The following SDHAF2 variants were observed in gnomAD, a reference collection of about 807,000 sequenced individuals.
The protein encoded by SDHAF2 is succinate dehydrogenase complex assembly factor 2.
In SDHAF2, 21 loss-of-function variants were observed where a neutral mutation model predicts 18.5. That is an observed-to-expected ratio of 1.13 (90% CI 0.80 to 1.63). The LOEUF (loss-of-function observed/expected upper bound fraction) is 1.63. Among genes scored for constraint, SDHAF2 ranks in the 40% most tolerant of loss-of-function variants. The pLI, the probability that SDHAF2 is intolerant of heterozygous loss-of-function variation, is 0.00. For missense variants in SDHAF2, 195 were observed against 200.3 expected, an observed-to-expected ratio of 0.97 and a Z score of 0.16; for synonymous variants, 84 against 70.7, an observed-to-expected ratio of 1.19 and a Z score of -0.94.
Position 61,438,992 on chromosome 11 carries a change from T to C in SDHAF2, c.370+879T>C, listed in dbSNP as rs1590765660. Among the ~76,000 whole-genome samples the C allele has an allele frequency of 4.6e-5, 7 of 151,922 alleles. No individual in the cohort carries two copies. In the East Asian group the frequency reaches 1.4e-3, roughly 29 times the overall value. ...CTGGGAGACAGAGATTGCAGTGAGC[T>C]GAGATTGCACCACTGCACTCCATCC... is the stretch of plus-strand genomic sequence containing the variant. On this transcript the variant is annotated intron_variant, in intron 3 of 3. Transcript: ENST00000301761.
chr11:61,441,226 G>A (rs1006784424), intron 3 of SDHAF2, among the ~76,000 whole-genome samples: 3 of 152,088 alleles, frequency 2.0e-5, no homozygotes, highest in Non-Finnish European at 4.4e-5. Flanking sequence ...GCCAGCTTCT[G>A]TGCTAAGCAA....
At position 61,443,589 on chromosome 11, in the gene SDHAF2, A is replaced by G. The variant is rs1253182424; in HGVS notation, c.371-2352A>G. Among the ~76,000 whole-genome samples the G allele has an allele frequency of 2.0e-5, 3 of 152,122 alleles. No homozygotes were observed. The East Asian group carries it at 5.8e-4, about 29-fold the overall frequency. ...AGCTTGGGTTGTTTTTGCTTTGGTT[A>G]CCTTCATTGCATTACTAGTGTCTAG... On this transcript the variant is annotated intron_variant, in intron 3 of 3. Transcript: ENST00000301761.
At position 61,445,953 on chromosome 11, in the gene SDHAF2, C is replaced by T. The variant is rs1554985400; in HGVS notation, c.383C>T (p.Ala128Val). The T allele has an allele frequency of 6.2e-7, 1 of 1,614,118 alleles. No homozygotes were observed. The highest frequency in any genetic ancestry group is 1.3e-5 in the African/African-American group (1 of 75,022). ...IYYWATEAKPAPEIFENEVMA... is the reference protein window; with the variant it reads ...IYYWATEAKPVPEIFENEVMA... ...TCTTCTCTTGCAGAAGCTAAACCAG[C>T]CCCAGAAATATTTGAAAATGAAGTC... Residue 128 changes from alanine to valine, a missense_variant, in exon 4 of 4, where the codon GCC (alanine) becomes GTC (valine). Ala to Val is a moderately conservative substitution (Grantham distance 64). Transcript: ENST00000301761.
chr11:61,432,710 T>G (rs926185116), intron 1 of SDHAF2: 8 of 151,822 alleles, frequency 5.3e-5, no homozygotes, highest in Non-Finnish European at 1.2e-4. Flanking sequence ...TTTTTTGTAG[T>G]GACATACTTT....
intron 3 of SDHAF2, among the ~76,000 whole-genome samples, chr11:61,439,256 C>A (rs1451824600): frequency 6.6e-6 from 1 of 152,156 alleles, no homozygotes; most frequent in Non-Finnish European, 1.5e-5. Flanking sequence ...CCAGGTCCCC[C>A]CTACTTGCTG....
chr11:61,446,241 CA>C lies in SDHAF2; in HGVS notation c.*172del, dbSNP rs537244040. 2.8e-5 allele frequency: 20 copies of C among 720,444 alleles called. No homozygotes were observed. The highest frequency in any genetic ancestry group is 4.7e-5 in the Non-Finnish European group (19 of 407,470). 44.6% of individuals were successfully genotyped at this position (720,444 alleles called of 1,614,324 possible). On this transcript the variant is annotated 3_prime_UTR_variant, in exon 4 of 4. Transcript: ENST00000301761. Reference sequence around the variant, plus strand: ...CTCCTAGGACATACATGTAAATGCACAATGTGACTCATTCTCATACTTTTTT... The same window carrying C: ...CTCCTAGGACATACATGTAAATGCACATGTGACTCATTCTCATACTTTTTT...
Position 61,438,036 on chromosome 11 carries a change from CAG to C in SDHAF2, c.295_296del (p.Glu99LysfsTer7). 1.2e-6 allele frequency: 2 copies of C among 1,613,944 alleles called. No individual in the cohort carries two copies. The highest frequency in any genetic ancestry group is 1.7e-6 in the Non-Finnish European group (2 of 1,179,994). On this transcript the variant is annotated frameshift_variant, in exon 3 of 4. Coordinates refer to ENST00000301761, the MANE Select transcript of SDHAF2 (RefSeq NM_017841.4). LOFTEE classifies it high-confidence loss of function. ...GCTAAAGAACATCTGCAGCACATGACAGAAAAGCAGCTGAACCTCTATGACCG... is the reference window on the plus strand; with the variant it reads ...GCTAAAGAACATCTGCAGCACATGACAAAAGCAGCTGAACCTCTATGACCG...
At chr11:61,435,408 A>C (rs942797665) in intron 1 of SDHAF2, 8 of 151,896 alleles carry the variant, frequency 5.3e-5, no homozygotes, top group Non-Finnish European at 2.9e-5. Context: ...GTTTCTGGAG[A>C]TGTATTTCGT....
chr11:61,436,913 G>A (rs1862001011), intron 1 of SDHAF2: 1 of 1,286,382 alleles, frequency 7.8e-7, no homozygotes, highest in Non-Finnish European at 1.0e-6. Flanking sequence ...GGGAGCCTTT[G>A]GGGGATTAGG....
At chr11:61,442,028 C>T (rs1762331822) in intron 3 of SDHAF2, among the ~76,000 whole-genome samples, 2 of 151,948 alleles carry the variant, frequency 1.3e-5, no homozygotes, top group Non-Finnish European at 1.5e-5. Context: ...GGACTACAGG[C>T]CGGCAGCACC....
intron 3 of SDHAF2, among the ~76,000 whole-genome samples, chr11:61,440,752 C>T (rs1384560917): frequency 2.6e-5 from 4 of 152,174 alleles, no homozygotes; most frequent in Non-Finnish European, 5.9e-5. Flanking sequence ...TAACTACTCA[C>T]CTCGACCTTT....
intron 3 of SDHAF2, among the ~76,000 whole-genome samples, chr11:61,439,126 G>T (rs1320474180): frequency 2.0e-5 from 3 of 152,100 alleles, no homozygotes; most frequent in Non-Finnish European, 2.9e-5. Flanking sequence ...CTTTGGCTAT[G>T]AGTAAAAAAA....
intron 3 of SDHAF2, among the ~76,000 whole-genome samples, chr11:61,442,009 G>A (rs1862073252): frequency 6.6e-6 from 1 of 151,648 alleles, no homozygotes. Context: ...TCAGCCTCCA[G>A]AATAGCTGGG....
chr11:61,440,605 ATAAAT>A (rs1057303241), intron 3 of SDHAF2, among the ~76,000 whole-genome samples: 5 of 152,326 alleles, frequency 3.3e-5, no homozygotes, highest in African/African-American at 1.2e-4. Flanking sequence ...TGTCTCAAAA[ATAAAT>A]AAATAAAACT....
intron 3 of SDHAF2, among the ~76,000 whole-genome samples, chr11:61,438,917 A>C (rs929624162): frequency 2.6e-5 from 4 of 152,074 alleles, no homozygotes; most frequent in African/African-American, 9.7e-5. Context: ...GGTGGCGGAC[A>C]ACTGCAGTCT....
chr11:61,440,326 C>A (rs1048378764), intron 3 of SDHAF2, among the ~76,000 whole-genome samples: 1 of 150,660 alleles, frequency 6.6e-6, no homozygotes, highest in African/African-American at 2.4e-5. Flanking sequence ...GGGCTGGGCG[C>A]GGTGAGTCAA....
chr11:61,439,148 G>C (rs1034763855), intron 3 of SDHAF2, among the ~76,000 whole-genome samples: 2 of 152,150 alleles, frequency 1.3e-5, no homozygotes, highest in Non-Finnish European at 2.9e-5. Flanking sequence ...ATCCAAAACA[G>C]TAATGGCTTA....
chr11:61,441,563 A>C (rs1486291392), intron 3 of SDHAF2, among the ~76,000 whole-genome samples: 2 of 151,846 alleles, frequency 1.3e-5, no homozygotes, highest in Non-Finnish European at 2.9e-5. Flanking sequence ...GTACATACTC[A>C]GTACATAATT....
intron 1 of SDHAF2, chr11:61,437,055 C>T: frequency 8.6e-7 from 1 of 1,169,232 alleles, no homozygotes; most frequent in African/African-American, 1.6e-5. Flanking sequence ...TGGAAAGGCA[C>T]TGGTTAGGGA....
Sources: gnomAD v4.1 joint callset for allele counts (sites outside exome capture counted in the v4.1 genomes callset) on GRCh38, gnomAD v4.1.1 for gene constraint, MANE v1.5 for transcripts, NCBI Gene and HGNC (gene_info 2026-07-23, HGNC 2026-07-21) for gene names.